The following NFASC variants were observed in gnomAD, a reference collection of about 807,000 sequenced individuals.
NFASC encodes the protein neurofascin.
A neutral mutation model predicts 147.5 loss-of-function variants in NFASC; 43 were observed. That is an observed-to-expected ratio of 0.29 (90% CI 0.23 to 0.38). The LOEUF is 0.38. Ranked by LOEUF, NFASC falls within the 10% of genes least tolerant of loss-of-function variation. NFASC has a pLI of 1.00. For synonymous variants in NFASC, 622 were observed against 665.5 expected (o/e 0.93, Z 1.01); for missense variants, 1,320 against 1,689.0 (o/e 0.78, Z 3.83).
At chr1:204,988,877 T>A in intron 23 of NFASC, 71 bp downstream of exon 23, 2 of 1,442,582 alleles carry the variant, frequency 1.4e-6, no homozygotes, top group Non-Finnish European at 1.9e-6. Flanking sequence ...AACACTGAGA[T>A]CTGTAGCTGG....
intron 2 of NFASC, among the ~76,000 whole-genome samples, chr1:204,938,938 C>A (rs1423002139): frequency 1.3e-5 from 2 of 152,136 alleles, no homozygotes; most frequent in African/African-American, 4.8e-5. Flanking sequence ...CAGTAACACA[C>A]CTAACCAATG....
intron 1 of NFASC, among the ~76,000 whole-genome samples, chr1:204,867,087 G>T (rs1400142763): frequency 6.6e-6 from 1 of 152,160 alleles, no homozygotes; most frequent in Non-Finnish European, 1.5e-5. Flanking sequence ...AGAAAAACAG[G>T]TGCAGTCGGA....
At chr1:204,936,454 G>C (rs2092848296) in intron 2 of NFASC, among the ~76,000 whole-genome samples, 1 of 151,852 alleles carries the variant, frequency 6.6e-6, no homozygotes. Flanking sequence ...TGTCCACCTC[G>C]GCCTCCCAAA....
rs963100859 is a variant in NFASC at position 204,969,065 on chromosome 1, G to T, written c.1003+83G>T. On this transcript the variant is annotated intron_variant, in intron 10 of 29. Coordinates refer to ENST00000339876, the MANE Select transcript of NFASC (RefSeq NM_001005388.3). ...CCCTTCCCTCTGAGGGTGGTTGGGG[G>T]CAGAGTGAGTCGGAGAGACTTCCAG... 8 of 1,309,198 alleles carry T rather than the reference G, an allele frequency of 6.1e-6. No homozygotes were observed. In the Admixed American group the frequency reaches 1.0e-4, roughly 17 times the overall value. The allele number at this position is 1,309,198 out of a possible 1,614,324, so 81.1% of individuals were successfully genotyped here.
chr1:204,830,829 C>G (rs953653764), intron 1 of NFASC, among the ~76,000 whole-genome samples: 2 of 152,206 alleles, frequency 1.3e-5, no homozygotes, highest in African/African-American at 4.8e-5. Context: ...GAATTGCAGA[C>G]AGACTCTGTC....
At position 205,019,736 on chromosome 1, in the gene NFASC, C is replaced by G. The variant is rs895159189; in HGVS notation, c.*3197C>G. On this transcript the variant is annotated 3_prime_UTR_variant, in exon 30 of 30. Transcript: ENST00000339876. ...GGTCCATCTGGTCACCAAGGCTGGG[C>G]GGGACAGAGCAGTCAAGAACCACGG... 2.0e-5 allele frequency: 3 copies of G among 152,194 alleles called. No individual in the cohort carries two copies. The highest frequency in any genetic ancestry group is 7.2e-5 in the African/African-American group (3 of 41,424). 9.4% of individuals were successfully genotyped at this position (152,194 alleles called of 1,614,324 possible). A position where few individuals can be genotyped will look rare whatever the true frequency, so the allele number is the denominator to read the frequency against.
chr1:204,900,373 T>G (rs1029389792), intron 1 of NFASC, among the ~76,000 whole-genome samples: 1 of 152,166 alleles, frequency 6.6e-6, no homozygotes, highest in African/African-American at 2.4e-5. Context: ...CATTTCAAAT[T>G]CCAAGTGCTG....
chr1:204,904,384 C>T (rs2085330903), intron 1 of NFASC, among the ~76,000 whole-genome samples: 1 of 152,218 alleles, frequency 6.6e-6, no homozygotes, highest in South Asian at 2.1e-4. Context: ...AGGCATGAGC[C>T]ACTACGCCTG....
chr1:204,975,345 G>A lies in NFASC; in HGVS notation c.1633G>A (p.Val545Met). 2 of 1,614,104 alleles carry A rather than the reference G, an allele frequency of 1.2e-6. No individual in the cohort carries two copies. The highest frequency in any genetic ancestry group is 1.7e-6 in the Non-Finnish European group (2 of 1,179,970). The stretch of plus-strand genomic sequence containing the variant: ...CACCACGGTGCAGCTGGAGTGTCGG[G>A]TGAAGCACGACCCCTCCCTGAAACT... ...RGTTVQLECR[V>M]KHDPSLKLTV... The change falls in exon 15 of 30, where the codon GTG (valine) becomes ATG (methionine). Residue 545 changes from valine (V) to methionine (M), a missense_variant. Physicochemically the swap from Val to Met is conservative, Grantham distance 21. Around this residue, in one of 3 missense-constraint regions of NFASC, gnomAD observed 981 missense variants for 1,289.5 expected, o/e 0.76. Transcript: ENST00000339876. The surrounding 1 kb of genome is among the most constrained non-coding windows in gnomAD (Gnocchi z 4.0).
chr1:204,988,901 A>T, intron 23 of NFASC, 95 bp downstream of exon 23: 3 of 1,201,952 alleles, frequency 2.5e-6, no homozygotes, highest in Non-Finnish European at 3.7e-6. Flanking sequence ...CCTGGGATGG[A>T]GAGGAAATGA....
intron 1 of NFASC, among the ~76,000 whole-genome samples, chr1:204,920,205 G>T (rs2090159115): frequency 6.6e-6 from 1 of 152,280 alleles, no homozygotes; most frequent in East Asian, 1.9e-4. Flanking sequence ...GGTGAGCTTG[G>T]TTTGTTTATC....
In NFASC at chr1:204,975,708, C is replaced by T. The variant is rs2095386934; in HGVS notation, c.1706+290C>T. ...TTCACTTCTCCTCTCCCTGTCTCCC[C>T]TCACTTCGCCTCTTTTCCCTTTCAT... On this transcript the variant is annotated intron_variant, in intron 15 of 29. Transcript: ENST00000339876. This position sits in a 1 kb window ranked among gnomAD's most constrained non-coding sequence, Gnocchi z 4.0. Among the ~76,000 whole-genome samples the T allele has an allele frequency of 6.6e-6, 1 of 152,142 alleles. No homozygotes were observed. The highest frequency in any genetic ancestry group is 1.5e-5 in the Non-Finnish European group (1 of 68,032).
rs2094312674 is a variant in NFASC, at chr1:204,954,352, C to A, written c.380C>A (p.Ala127Asp). The change falls in exon 6 of 30, where the codon GCC (alanine) becomes GAC (aspartate). Residue 127 changes from alanine (A) to aspartate (D), a missense_variant. Ala to Asp is a moderately radical substitution (Grantham distance 126). This residue lies in a region of NFASC where 981 missense variants were observed against 1,289.5 expected (regional missense o/e 0.76). Coordinates refer to ENST00000339876, the MANE Select transcript of NFASC (RefSeq NM_001005388.3). The surrounding 1 kb of genome is among the most constrained non-coding windows in gnomAD (Gnocchi z 5.7). ...QCFARNKFGT[A>D]LSNRIRLQVS... Reference sequence around the variant, plus strand: ...TTCGCCCGCAACAAATTTGGCACGGCCCTGTCCAATAGGATCCGCCTGCAG... The same window carrying A: ...TTCGCCCGCAACAAATTTGGCACGGACCTGTCCAATAGGATCCGCCTGCAG... 6.2e-7 allele frequency: 1 copy of A among 1,614,020 alleles called. No individual in the cohort carries two copies. Among genetic ancestry groups the A allele is most frequent in the Non-Finnish European group, 8.5e-7 (1 of 1,180,036 alleles).
At chr1:204,944,178 A>C in intron 2 of NFASC, 48 bp from the exon 3 acceptor site, 1 of 1,516,334 alleles carries the variant, frequency 6.6e-7, no homozygotes, top group Non-Finnish European at 8.9e-7. Context: ...GCTAGAGCAA[A>C]CCACAAGTTC....
chr1:204,999,970 T>C (rs1474417823), intron 25 of NFASC: 1 of 152,154 alleles, frequency 6.6e-6, no homozygotes, highest in African/African-American at 2.4e-5. Flanking sequence ...TGCTGGAAAA[T>C]GGGGTAACCA....
At position 204,917,078 on chromosome 1, in the gene NFASC, G is replaced by A. The variant is rs1050018951; in HGVS notation, c.-199-3554G>A. 3.9e-5 allele frequency among the ~76,000 whole-genome samples: 6 copies of A among 152,270 alleles called. 1 individual carries two copies. Among genetic ancestry groups the A allele is most frequent in the African/African-American group, 1.4e-4 (6 of 41,544 alleles). ...AAAAAATAAACAAAATTAGCCAAGCGTGGTGACACATACCTATGGGCCCAG... is the reference window on the plus strand; with the variant it reads ...AAAAAATAAACAAAATTAGCCAAGCATGGTGACACATACCTATGGGCCCAG... On this transcript the variant is annotated intron_variant, in intron 1 of 29. Coordinates refer to ENST00000339876, the MANE Select transcript of NFASC (RefSeq NM_001005388.3).
chr1:205,005,022 T>C (rs1558448870), intron 27 of NFASC, among the ~76,000 whole-genome samples: 2 of 152,012 alleles, frequency 1.3e-5, no homozygotes, highest in South Asian at 4.1e-4. Context: ...GGTGGAAGCT[T>C]AGAGTGGGCC....
At chr1:204,958,008 A>G (rs2275696) in intron 8 of NFASC, among the ~76,000 whole-genome samples, 182 bp downstream of exon 8, 37,161 of 151,990 alleles carry the variant, frequency 0.24, 4,910 homozygotes, top group African/African-American at 0.3. Flanking sequence ...TGATTGTGAA[A>G]CCTTGAGTTA....
At chr1:204,941,036 A>G (rs2093329201) in intron 2 of NFASC, among the ~76,000 whole-genome samples, 1 of 152,246 alleles carries the variant, frequency 6.6e-6, no homozygotes. Flanking sequence ...TCTTTTTTAA[A>G]TAGCAACCTT....
Sources: gnomAD v4.1 joint callset for allele counts (sites outside exome capture counted in the v4.1 genomes callset) on GRCh38, gnomAD v4.1.1 for gene constraint, gnomAD v4.1.1 regional missense constraint, Gnocchi (gnomAD v3.1) non-coding constraint, MANE v1.5 for transcripts, NCBI Gene and HGNC (gene_info 2026-07-23, HGNC 2026-07-21) for gene names.